The following NPAS3 variants were observed in gnomAD, a reference collection of about 807,000 sequenced individuals.
The protein encoded by NPAS3 is neuronal PAS domain-containing protein 3.
NPAS3 carries 14 observed loss-of-function variants against 73.1 expected under a neutral mutation model. That is an observed-to-expected ratio of 0.19 (90% CI 0.13 to 0.30). The LOEUF (loss-of-function observed/expected upper bound fraction) is 0.30. Among genes scored for constraint, NPAS3 ranks in the 10% least tolerant of loss-of-function variants. NPAS3 has a pLI of 1.00. For missense variants in NPAS3, 1,096 were observed against 1,250.0 expected, an observed-to-expected ratio of 0.88 and a Z score of 1.86; for synonymous variants, 620 against 541.5, an observed-to-expected ratio of 1.14 and a Z score of -2.01.
At chr14:33,663,147 C>T (rs941658278) in intron 5 of NPAS3, among the ~76,000 whole-genome samples, 2 of 152,018 alleles carry the variant, frequency 1.3e-5, no homozygotes, top group African/African-American at 4.8e-5. Context: ...TTGTCTTGTG[C>T]CAGTTTTCAA....
chr14:33,774,587 T>C, intron 8 of NPAS3, 57 bp downstream of exon 8: 1 of 1,416,760 alleles, frequency 7.1e-7, no homozygotes, highest in Non-Finnish European at 9.9e-7. Flanking sequence ...GTGAGGGTTG[T>C]GTTTCAGCCG....
chr14:33,263,477 A>G (rs183947537), intron 3 of NPAS3, among the ~76,000 whole-genome samples: 23 of 152,244 alleles, frequency 1.5e-4, no homozygotes. Flanking sequence ...CTATTGGTCT[A>G]TATCTCTGTT....
upstream of NPAS3, among the ~76,000 whole-genome samples, chr14:32,937,307 A>T (rs2035727073): frequency 1.3e-5 from 2 of 152,168 alleles, no homozygotes; most frequent in South Asian, 4.1e-4. Context: ...TTACCAAAAA[A>T]TTATTTTTAA....
chr14:33,094,729 T>G (rs2012552), intron 2 of NPAS3, among the ~76,000 whole-genome samples: 51,801 of 152,060 alleles, frequency 0.34, 9,137 homozygotes, highest in African/African-American at 0.45. Flanking sequence ...GCCTCCCAAA[T>G]TGCTGGGATT....
At chr14:33,675,677 A>G (rs2059741489) in intron 5 of NPAS3, among the ~76,000 whole-genome samples, 1 of 152,234 alleles carries the variant, frequency 6.6e-6, no homozygotes, top group Admixed American at 6.5e-5. Context: ...GCCTTTGCAT[A>G]TATTTGTAAG....
chr14:33,505,100 G>T (rs987995944), intron 4 of NPAS3, among the ~76,000 whole-genome samples: 2 of 151,976 alleles, frequency 1.3e-5, no homozygotes, highest in African/African-American at 4.8e-5. Context: ...ACACACAGCA[G>T]TTATTTAGGT....
chr14:33,590,322 C>T (rs1958547), intron 5 of NPAS3, among the ~76,000 whole-genome samples: 1 of 151,896 alleles, frequency 6.6e-6, no homozygotes, highest in South Asian at 2.1e-4. Flanking sequence ...GTTTTGTCTT[C>T]AGTGGCTTTC....
intron 4 of NPAS3, among the ~76,000 whole-genome samples, chr14:33,418,200 G>A (rs1453718516): frequency 6.6e-6 from 1 of 151,866 alleles, no homozygotes; most frequent in African/African-American, 2.4e-5. Context: ...AACCAGTAAA[G>A]TAATTGGTGT....
intron 1 of NPAS3, among the ~76,000 whole-genome samples, chr14:32,959,237 C>T (rs1046322475): frequency 6.6e-6 from 1 of 152,154 alleles, no homozygotes; most frequent in African/African-American, 2.4e-5. Context: ...TGTTCTTGCT[C>T]TGAAACCTTT....
chr14:33,273,888 C>CA (rs1198599279), intron 3 of NPAS3, among the ~76,000 whole-genome samples: 2 of 152,290 alleles, frequency 1.3e-5, no homozygotes, highest in Non-Finnish European at 2.9e-5. Context: ...TAGTGACTCC[C>CA]AAATCTGGTT....
At chr14:33,780,146 G>C (rs1187187613) in intron 9 of NPAS3, among the ~76,000 whole-genome samples, 1 of 152,202 alleles carries the variant, frequency 6.6e-6, no homozygotes, top group Non-Finnish European at 1.5e-5. Context: ...TCTGGAAAGA[G>C]CCTGCCTGCA....
intron 4 of NPAS3, among the ~76,000 whole-genome samples, chr14:33,408,210 G>C (rs920893372): frequency 3.3e-5 from 5 of 152,008 alleles, no homozygotes; most frequent in African/African-American, 9.7e-5. Flanking sequence ...AAACTTGGCT[G>C]GTTCTCAGGA....
At chr14:33,442,566 T>C (rs916855488) in intron 4 of NPAS3, among the ~76,000 whole-genome samples, 1 of 152,208 alleles carries the variant, frequency 6.6e-6, no homozygotes, top group Non-Finnish European at 1.5e-5. Flanking sequence ...ATCCTCATGA[T>C]AGTAAGTTCT....
intron 3 of NPAS3, among the ~76,000 whole-genome samples, chr14:33,332,478 A>G (rs2044030085): frequency 6.6e-6 from 1 of 152,228 alleles, no homozygotes; most frequent in South Asian, 2.1e-4. Context: ...AAAGGCAAAT[A>G]CATAGAGGAC....
chr14:33,354,553 T>C (rs2045244208), intron 3 of NPAS3, among the ~76,000 whole-genome samples: 1 of 152,224 alleles, frequency 6.6e-6, no homozygotes, highest in Non-Finnish European at 1.5e-5. Flanking sequence ...ACCTGTGTGC[T>C]AATGACTTGC....
At chr14:33,110,320 T>C (rs2042850473) in intron 2 of NPAS3, among the ~76,000 whole-genome samples, 1 of 152,114 alleles carries the variant, frequency 6.6e-6, no homozygotes, top group African/African-American at 2.4e-5. Context: ...TTCCAAAGAG[T>C]GTTCTACTGA....
At chr14:33,530,071 T>C (rs1595094361) in intron 4 of NPAS3, among the ~76,000 whole-genome samples, 1 of 152,168 alleles carries the variant, frequency 6.6e-6, no homozygotes, top group African/African-American at 2.4e-5. Flanking sequence ...AAACATACTT[T>C]CTTTCCTTTT....
intron 4 of NPAS3, among the ~76,000 whole-genome samples, chr14:33,440,736 T>C (rs2049208636): frequency 6.6e-6 from 1 of 152,086 alleles, no homozygotes; most frequent in East Asian, 1.9e-4. Flanking sequence ...TTACTAAAAA[T>C]ACAAAAATTA....
At chr14:32,976,261 G>T (rs1038115978) in intron 1 of NPAS3, among the ~76,000 whole-genome samples, 1 of 152,124 alleles carries the variant, frequency 6.6e-6, no homozygotes, top group Non-Finnish European at 1.5e-5. Flanking sequence ...TCTCGCACTA[G>T]GCCTCAGTGT....
Sources: allele counts gnomAD v4.1 joint callset (sites outside exome capture counted in the v4.1 genomes callset), GRCh38; gene constraint gnomAD v4.1.1; transcripts MANE v1.5; gene names NCBI Gene and HGNC (gene_info 2026-07-23, HGNC 2026-07-21).